TYW1B: variants seen among roughly 807,000 people sequenced by gnomAD.
TYW1B encodes S-adenosyl-L-methionine-dependent tRNA 4-demethylwyosine synthase TYW1B.
TYW1B carries 73 observed loss-of-function variants against 86.9 expected under a neutral mutation model. The ratio of observed to expected loss-of-function variants is 0.84; its 90% confidence interval spans 0.70 to 1.02. The LOEUF (loss-of-function observed/expected upper bound fraction) is 1.02, where lower values mean the gene tolerates loss of function less well. TYW1B is among the 50% of genes least tolerant of loss of function. The probability of loss-of-function intolerance (pLI) is 0.00; values close to 1 mark genes in which losing one functional copy is unlikely to be tolerated. For missense variants in TYW1B, 637 were observed against 827.4 expected, an observed-to-expected ratio of 0.77 and a Z score of 2.82; for synonymous variants, 248 against 292.8, an observed-to-expected ratio of 0.85 and a Z score of 1.56.
intron 2 of TYW1B, among the ~76,000 whole-genome samples, chr7:72,821,834 T>C (rs188576902): frequency 8.5e-5 from 13 of 152,092 alleles, no homozygotes; most frequent in African/African-American, 2.9e-4. Context: ...GGGCAGAAAA[T>C]TGGGAGTTCA....
At chr7:72,698,202 C>A (rs1198425195) in intron 10 of TYW1B, among the ~76,000 whole-genome samples, 2 of 152,148 alleles carry the variant, frequency 1.3e-5, no homozygotes, top group African/African-American at 2.4e-5. Context: ...ACTCACCGAG[C>A]TGGCACACTC....
intron 12 of TYW1B, among the ~76,000 whole-genome samples, chr7:72,620,709 C>G (rs1197432076): frequency 2.0e-5 from 3 of 152,192 alleles, no homozygotes; most frequent in Non-Finnish European, 4.4e-5. Context: ...CCCTTCATAT[C>G]ACAGCTGTCT....
At chr7:72,804,402 CA>C (rs1287929191) in intron 5 of TYW1B, among the ~76,000 whole-genome samples, 1 of 152,072 alleles carries the variant, frequency 6.6e-6, no homozygotes, top group East Asian at 1.9e-4. Context: ...TGCTGCTGAT[CA>C]AGTGTTCAAT....
chr7:72,798,006 T>TATAC (rs1788335254), intron 6 of TYW1B, among the ~76,000 whole-genome samples: 33 of 61,896 alleles, frequency 5.3e-4, no homozygotes, highest in African/African-American at 1.3e-3. Context: ...ACTATTTATA[T>TATAC]ATATACACAC....
chr7:72,745,659 C>G (rs538013370), intron 7 of TYW1B, among the ~76,000 whole-genome samples: 63 of 151,994 alleles, frequency 4.1e-4, no homozygotes, highest in Non-Finnish European at 7.4e-4. Context: ...CTCCTAAGGT[C>G]AGTGGAATGG....
chr7:72,816,733 T>A (rs538874307), intron 2 of TYW1B, among the ~76,000 whole-genome samples: 1 of 152,250 alleles, frequency 6.6e-6, no homozygotes, highest in Admixed American at 6.5e-5. Flanking sequence ...AATGATTTAA[T>A]CAATAGTGCC....
intron 7 of TYW1B, among the ~76,000 whole-genome samples, chr7:72,767,650 T>C (rs1295088986): frequency 2.6e-5 from 4 of 151,944 alleles, no homozygotes; most frequent in Non-Finnish European, 5.9e-5. Flanking sequence ...AAAAACTTTG[T>C]CTTCATTGAC....
At chr7:72,586,218 G>C (rs1433351212) in intron 13 of TYW1B, among the ~76,000 whole-genome samples, 1 of 152,206 alleles carries the variant, frequency 6.6e-6, no homozygotes, top group Non-Finnish European at 1.5e-5. Context: ...GTTATAGACA[G>C]AGCTAACTTC....
chr7:72,702,850 T>C (rs1563064684), intron 10 of TYW1B, among the ~76,000 whole-genome samples: 2 of 151,974 alleles, frequency 1.3e-5, no homozygotes, highest in African/African-American at 2.4e-5. Flanking sequence ...AAAAGTCGCT[T>C]GTGATCATTT....
intron 13 of TYW1B, among the ~76,000 whole-genome samples, chr7:72,604,998 C>T (rs1468516267): frequency 6.6e-6 from 1 of 152,182 alleles, no homozygotes; most frequent in Non-Finnish European, 1.5e-5. Flanking sequence ...CGCTAAGTAG[C>T]CTGCCTCTTA....
At chr7:72,684,497 GA>G (rs1478581224) in intron 11 of TYW1B, among the ~76,000 whole-genome samples, 2 of 152,146 alleles carry the variant, frequency 1.3e-5, no homozygotes, top group East Asian at 3.9e-4. Flanking sequence ...CACTGAGAGA[GA>G]AATACTTTTT....
At chr7:72,799,151 CTTTTTTTTTTTTTT>C (rs1309407026) in intron 6 of TYW1B, among the ~76,000 whole-genome samples, 1 of 58,558 alleles carries the variant, frequency 1.7e-5, no homozygotes, top group Non-Finnish European at 3.1e-5. Flanking sequence ...CCGGGTCTGC[CTTTTTTTTTTTTTT>C]TTTTTTTTTT....
intron 11 of TYW1B, among the ~76,000 whole-genome samples, chr7:72,675,255 CG>C (rs1453516076): frequency 6.6e-6 from 1 of 151,814 alleles, no homozygotes; most frequent in Non-Finnish European, 1.5e-5. Context: ...AAAAATTAGC[CG>C]GGTGTGGTGG....
At chr7:72,788,174 T>C (rs1375151267) in intron 6 of TYW1B, among the ~76,000 whole-genome samples, 2 of 151,930 alleles carry the variant, frequency 1.3e-5, no homozygotes, top group African/African-American at 4.8e-5. Context: ...AGAGATGGGG[T>C]TTCATTGTGT....
chr7:72,671,615 T>C (rs1296628157), intron 11 of TYW1B, among the ~76,000 whole-genome samples: 9 of 152,216 alleles, frequency 5.9e-5, no homozygotes, highest in African/African-American at 1.9e-4. Context: ...ACTTCTTCAC[T>C]AATATTTTTA....
intron 11 of TYW1B, among the ~76,000 whole-genome samples, chr7:72,664,004 C>A (rs1324712919): frequency 1.3e-5 from 2 of 151,968 alleles, no homozygotes; most frequent in Non-Finnish European, 2.9e-5. Context: ...CATCAACTCT[C>A]TTACATCTTC....
intron 10 of TYW1B, among the ~76,000 whole-genome samples, chr7:72,696,503 AC>A (rs1554451520): frequency 1.3e-5 from 2 of 152,134 alleles, no homozygotes; most frequent in African/African-American, 4.8e-5. Flanking sequence ...CATACAATTC[AC>A]CACTTTAAAA....
At chr7:72,649,918 C>G (rs1813018774) in intron 11 of TYW1B, among the ~76,000 whole-genome samples, 1 of 152,106 alleles carries the variant, frequency 6.6e-6, no homozygotes, top group Non-Finnish European at 1.5e-5. Flanking sequence ...GAGACAGAGT[C>G]TTGCTCTGTC....
chr7:72,761,559 C>T (rs1787685451), intron 7 of TYW1B, among the ~76,000 whole-genome samples: 1 of 150,386 alleles, frequency 6.6e-6, no homozygotes, highest in East Asian at 2.0e-4. Flanking sequence ...CCACTGCACT[C>T]CAGTCTGGCT....
Sources: allele counts gnomAD v4.1 joint callset (sites outside exome capture counted in the v4.1 genomes callset), GRCh38; gene constraint gnomAD v4.1.1; transcripts MANE v1.5; gene names NCBI Gene and HGNC (gene_info 2026-07-23, HGNC 2026-07-21).